Variants in BLTP1 observed in about 807,000 individuals in gnomAD.
BLTP1 encodes the protein bridge-like lipid transfer protein family member 1, also known as fragile site-associated protein.
At chr4:122,169,703 G>A in the BLTP1 span, 1 of 980,110 alleles carries the variant, frequency 1.0e-6, no homozygotes, top group African/African-American at 1.8e-5. Context: ...ACATACATAT[G>A]TATATGCACA....
At chr4:122,273,442 A>G in the BLTP1 span, 1 of 984,700 alleles carries the variant, frequency 1.0e-6, no homozygotes, top group Admixed American at 6.2e-5. Context: ...AAATATCACA[A>G]AGGATATAAA....
At chr4:122,357,020 GA>G in the BLTP1 span, 1 of 983,798 alleles carries the variant, frequency 1.0e-6, no homozygotes, top group African/African-American at 1.7e-5. Flanking sequence ...GGAGATTCTT[GA>G]AAAATAGGAA....
the BLTP1 span, chr4:122,356,054 G>A: frequency 1.7e-6 from 2 of 1,210,684 alleles, no homozygotes; most frequent in South Asian, 1.7e-5. Context: ...CTACTGCTGT[G>A]TTCCCATGGA....
At chr4:122,205,866 A>G in the BLTP1 span, 2 of 683,840 alleles carry the variant, frequency 2.9e-6, no homozygotes, top group African/African-American at 2.0e-5. Flanking sequence ...TGAGTATACA[A>G]AGGTGAGTTT....
the BLTP1 span, chr4:122,187,975 A>G: frequency 6.9e-6 from 11 of 1,598,042 alleles, no homozygotes; most frequent in African/African-American, 2.7e-5. Flanking sequence ...CTTATACTAC[A>G]AAACCACCTT....
the BLTP1 span, among the ~76,000 whole-genome samples, chr4:122,307,081 A>G: frequency 3.3e-5 from 5 of 152,132 alleles, no homozygotes; most frequent in South Asian, 1.0e-3. Flanking sequence ...TAATTGGGAC[A>G]GGAAGTGTTT....
the BLTP1 span, chr4:122,309,444 G>A: frequency 1.1e-5 from 17 of 1,612,944 alleles, no homozygotes; most frequent in Non-Finnish European, 1.4e-5. Context: ...GAAATTCATG[G>A]GGATTTAGTG....
At chr4:122,346,185 C>T in the BLTP1 span, among the ~76,000 whole-genome samples, 3 of 152,088 alleles carry the variant, frequency 2.0e-5, no homozygotes, top group Non-Finnish European at 2.9e-5. Context: ...TGGAAGAAGG[C>T]CATCAAAATG....
At chr4:122,286,486 A>C in the BLTP1 span, 8 of 1,599,958 alleles carry the variant, frequency 5.0e-6, no homozygotes, top group Admixed American at 3.4e-5. Flanking sequence ...AAAAGTGAGG[A>C]ATGAATGAGT....
chr4:122,217,841 T>A, the BLTP1 span, among the ~76,000 whole-genome samples: 1 of 152,178 alleles, frequency 6.6e-6, no homozygotes, highest in African/African-American at 2.4e-5. Context: ...CATCTGGTCC[T>A]GGGCTTTTTT....
chr4:122,262,734 A>C, the BLTP1 span: 2 of 1,532,830 alleles, frequency 1.3e-6, no homozygotes, highest in African/African-American at 2.8e-5. Context: ...TATATACATA[A>C]GAAATAACCC....
chr4:122,237,636 T>A, the BLTP1 span: 1 of 769,382 alleles, frequency 1.3e-6, no homozygotes, highest in East Asian at 1.3e-4. Context: ...TCACTGTTTA[T>A]GGGCCTGGGA....
chr4:122,328,044 A>G, the BLTP1 span: 2 of 1,254,520 alleles, frequency 1.6e-6, no homozygotes, highest in Admixed American at 5.7e-5. Flanking sequence ...AAATTTATAT[A>G]TTTTTTCTTT....
At chr4:122,251,414 T>G in the BLTP1 span, 1 of 887,764 alleles carries the variant, frequency 1.1e-6, no homozygotes, top group Non-Finnish European at 1.3e-6. Context: ...TACTCACCTT[T>G]ACCCCCCAGA....
chr4:122,352,791 G>C, the BLTP1 span: 1 of 1,336,682 alleles, frequency 7.5e-7, no homozygotes, highest in Non-Finnish European at 1.0e-6. Flanking sequence ...ACTGGACACT[G>C]TTTTCATCCC....
the BLTP1 span, among the ~76,000 whole-genome samples, chr4:122,196,223 C>T: frequency 1.3e-5 from 2 of 152,074 alleles, no homozygotes; most frequent in East Asian, 3.9e-4. Flanking sequence ...ACCTCTGAGC[C>T]TTTGTATGAG....
At chr4:122,188,075 C>T in the BLTP1 span, 1 of 1,493,632 alleles carries the variant, frequency 6.7e-7, no homozygotes, top group Non-Finnish European at 8.9e-7. Context: ...ATATGTTGGT[C>T]TTCAAAATGA....
chr4:122,194,434 A>G, the BLTP1 span: 1 of 490,464 alleles, frequency 2.0e-6, no homozygotes, highest in African/African-American at 2.1e-5. Flanking sequence ...ACATTATTGG[A>G]TTTAAATTTT....
the BLTP1 span, among the ~76,000 whole-genome samples, chr4:122,191,897 TTTTG>T: frequency 6.6e-5 from 10 of 152,246 alleles, no homozygotes; most frequent in African/African-American, 2.4e-4. Context: ...CACTAAATTA[TTTTG>T]TTTTAGAAAA....
Sources: gnomAD v4.1 joint callset for allele counts (sites outside exome capture counted in the v4.1 genomes callset) on GRCh38, gnomAD v4.1.1 for gene constraint, MANE v1.5 for transcripts, NCBI Gene and HGNC (gene_info 2026-07-23, HGNC 2026-07-21) for gene names.